Variants in BIN1 observed in about 807,000 individuals in gnomAD.
BIN1 encodes bridging integrator 1, also known as myc box-dependent-interacting protein 1.
A neutral mutation model predicts 82.0 loss-of-function variants in BIN1; 53 were observed. The ratio of observed to expected loss-of-function variants is 0.65; its 90% CI spans 0.52 to 0.81. BIN1 has a LOEUF of 0.81. Among genes scored for constraint, BIN1 ranks in the 40% least tolerant of loss-of-function variants. The probability of loss-of-function intolerance (pLI) is 0.00; values close to 1 mark genes in which losing one functional copy is unlikely to be tolerated. For missense variants in BIN1, 642 were observed against 784.4 expected (o/e 0.82, Z 2.17); for synonymous variants, 302 against 328.0 (o/e 0.92, Z 0.86).
At chr2:127,101,730 G>A (rs190639391) in intron 1 of BIN1, among the ~76,000 whole-genome samples, 8 of 152,314 alleles carry the variant, frequency 5.3e-5, no homozygotes, top group African/African-American at 1.9e-4. Flanking sequence ...ATAGTTTATG[G>A]TGGGAGTAGT....
At chr2:127,096,090 C>T (rs1679567619) in intron 1 of BIN1, among the ~76,000 whole-genome samples, 1 of 152,182 alleles carries the variant, frequency 6.6e-6, no homozygotes, top group African/African-American at 2.4e-5. Flanking sequence ...TGATGCCAGA[C>T]CCTCACCTCC....
intron 1 of BIN1, among the ~76,000 whole-genome samples, chr2:127,097,958 C>A (rs1327792839): frequency 2.6e-5 from 4 of 152,206 alleles, no homozygotes; most frequent in Admixed American, 1.3e-4. Context: ...AGGAGGCTTC[C>A]CTGACTGCTG....
intron 1 of BIN1, among the ~76,000 whole-genome samples, chr2:127,081,137 G>A (rs1687245187): frequency 1.3e-5 from 2 of 152,212 alleles, no homozygotes; most frequent in East Asian, 1.9e-4. Flanking sequence ...GACCCACAGC[G>A]TGAGTCATGG....
intron 2 of BIN1, among the ~76,000 whole-genome samples, chr2:127,076,013 C>G (rs560511170): frequency 1.3e-5 from 2 of 150,486 alleles, no homozygotes; most frequent in East Asian, 4.0e-4. Flanking sequence ...CAAATGCTCC[C>G]GGCCCTCTCC....
At chr2:127,102,314 G>T (rs1170257359) in intron 1 of BIN1, among the ~76,000 whole-genome samples, 1 of 152,190 alleles carries the variant, frequency 6.6e-6, no homozygotes. Flanking sequence ...CTGGTCAGAT[G>T]CCAGTGAGAA....
intron 1 of BIN1, among the ~76,000 whole-genome samples, chr2:127,097,609 T>C (rs1236771772): frequency 6.6e-6 from 1 of 152,168 alleles, no homozygotes; most frequent in Non-Finnish European, 1.5e-5. Context: ...ACCCTGGGCA[T>C]GGCTGGATTC....
chr2:127,084,654 G>A (rs1016401777), intron 1 of BIN1, among the ~76,000 whole-genome samples: 12 of 152,252 alleles, frequency 7.9e-5, no homozygotes, highest in Non-Finnish European at 1.3e-4. Context: ...AAAGGCTGCG[G>A]CACTGAAGGA....
At chr2:127,074,292 C>A (rs1161047022) in intron 2 of BIN1, among the ~76,000 whole-genome samples, 2 of 152,182 alleles carry the variant, frequency 1.3e-5, no homozygotes, top group East Asian at 3.9e-4. Context: ...CACACCCTGC[C>A]ATCCCCACAC....
Position 127,053,463 on chromosome 2 carries a change from G to A in BIN1, c.1240-18C>T, listed in dbSNP as rs964634754. On this transcript the variant is annotated intron_variant, in intron 13 of 18. Transcript: ENST00000316724. ...GGAATTGACTGAGCGCAGCAGTGAG[G>A]GCGAGAAGGACAGTTAGCACAGAGG... 4 of 1,613,650 alleles carry A rather than the reference G, an allele frequency of 2.5e-6. No homozygotes were observed. The highest frequency in any genetic ancestry group is 3.4e-6 in the Non-Finnish European group (4 of 1,179,766).
intron 1 of BIN1, among the ~76,000 whole-genome samples, chr2:127,080,351 G>A (rs1687136692): frequency 6.6e-6 from 1 of 152,262 alleles, no homozygotes; most frequent in Non-Finnish European, 1.5e-5. Flanking sequence ...AGGTGTCCAG[G>A]AGGGGCTGGC....
intron 1 of BIN1, among the ~76,000 whole-genome samples, chr2:127,088,065 C>T (rs2105249773): frequency 6.6e-6 from 1 of 152,330 alleles, no homozygotes; most frequent in East Asian, 1.9e-4. Flanking sequence ...ACCAGACCCA[C>T]CACTGTGAAG....
At chr2:127,076,143 T>C (rs1193970414) in intron 2 of BIN1, among the ~76,000 whole-genome samples, 1 of 152,068 alleles carries the variant, frequency 6.6e-6, no homozygotes, top group African/African-American at 2.4e-5. Flanking sequence ...CCCAGGCCAA[T>C]TGGAGATGGC....
At chr2:127,063,792 T>TCAGGCTGGACACC in intron 8 of BIN1, 141 bp downstream of exon 8, 1 of 1,395,812 alleles carries the variant, frequency 7.2e-7, no homozygotes, top group South Asian at 1.2e-5. Flanking sequence ...GGCTGGACAC[T>TCAGGCTGGACACC]GCAGCACACA....
At position 127,063,834 on chromosome 2, in the gene BIN1, C is replaced by T. The variant is rs563677899; in HGVS notation, c.698+99G>A. 1.2e-4 allele frequency: 175 copies of T among 1,509,534 alleles called. 1 individual carries two copies. Among genetic ancestry groups the T allele is most frequent in the South Asian group, 1.1e-3 (99 of 88,534 alleles). 93.5% of individuals were successfully genotyped at this position (1,509,534 alleles called of 1,614,324 possible). ...GCACCGCAGCACGCAGACTGGACACCGCAGCACGCAGGCTGGGCACCACAG... is the reference window on the plus strand; with the variant it reads ...GCACCGCAGCACGCAGACTGGACACTGCAGCACGCAGGCTGGGCACCACAG... On this transcript the variant is annotated intron_variant, in intron 8 of 18. Coordinates refer to ENST00000316724, the MANE Select transcript of BIN1 (RefSeq NM_139343.3).
At chr2:127,102,093 T>C (rs1425282215) in intron 1 of BIN1, among the ~76,000 whole-genome samples, 2 of 152,172 alleles carry the variant, frequency 1.3e-5, no homozygotes, top group Admixed American at 1.3e-4. Context: ...ATTCCCTATT[T>C]GATACATGAA....
intron 18 of BIN1, among the ~76,000 whole-genome samples, chr2:127,049,861 C>G (rs1682652694): frequency 6.6e-6 from 1 of 152,222 alleles, no homozygotes; most frequent in Non-Finnish European, 1.5e-5. Flanking sequence ...GAAGCCACAG[C>G]AGGAGGAGAA....
Position 127,051,229 on chromosome 2 carries a change from C to T in BIN1, c.1386G>A (p.Ser462=), listed in dbSNP as rs1682907257. 2 of 1,613,666 alleles carry T rather than the reference C, an allele frequency of 1.2e-6. No homozygotes were observed. Among genetic ancestry groups the T allele is most frequent in the African/African-American group, 1.3e-5 (1 of 74,916 alleles). The change falls in exon 16 of 19, where the codon TCG becomes TCA. Residue 462 remains serine (S), a synonymous_variant. Transcript: ENST00000316724. ...EPGPAQPAEA[S]EVAGGTQPAA... is the part of the protein sequence containing the mutation. ...CAGGTTGGGTCCCACCCGCCACCTCCGAGGCCTCTGCTGGCTGCAACATAA... is the reference window on the plus strand; with the variant it reads ...CAGGTTGGGTCCCACCCGCCACCTCTGAGGCCTCTGCTGGCTGCAACATAA...
intron 14 of BIN1, 104 bp downstream of exon 14, chr2:127,053,318 G>T: frequency 6.7e-7 from 1 of 1,502,996 alleles, no homozygotes; most frequent in Non-Finnish European, 9.2e-7. Flanking sequence ...TGGGGGGTGT[G>T]TGGGGTGCAT....
At chr2:127,102,511 C>T (rs1680481105) in intron 1 of BIN1, among the ~76,000 whole-genome samples, 1 of 152,258 alleles carries the variant, frequency 6.6e-6, no homozygotes, top group Non-Finnish European at 1.5e-5. Flanking sequence ...CCTCTCTCCA[C>T]ACCTTGGACC....
Sources: allele counts gnomAD v4.1 joint callset (sites outside exome capture counted in the v4.1 genomes callset), GRCh38; gene constraint gnomAD v4.1.1; transcripts MANE v1.5; gene names NCBI Gene and HGNC (gene_info 2026-07-23, HGNC 2026-07-21).